Variants in KLHL30 observed in about 807,000 individuals in gnomAD.
The protein encoded by KLHL30 is kelch-like protein 30.
Under a neutral mutation model 55.0 loss-of-function variants are expected in KLHL30, and 55 were observed. The ratio of observed to expected loss-of-function variants is 1.00; its 90% confidence interval spans 0.80 to 1.25. The LOEUF is 1.25. KLHL30 is among the 50% of genes most tolerant of loss of function. The pLI, the probability that KLHL30 is intolerant of heterozygous loss-of-function variation, is 0.00. For synonymous variants in KLHL30, 356 were observed against 372.6 expected, an observed-to-expected ratio of 0.96 and a Z score of 0.51; for missense variants, 786 against 811.6, an observed-to-expected ratio of 0.97 and a Z score of 0.38.
At chr2:238,144,437 AGGCAGGCAGGC>A (rs1559276095) in intron 3 of KLHL30, among the ~76,000 whole-genome samples, 169 of 91,976 alleles carry the variant, frequency 1.8e-3, no homozygotes, top group South Asian at 3.6e-3. Context: ...GAAGGAAGGC[AGGCAGGCAGGC>A]AGGCAGGCAG....
At chr2:238,144,410 G>GGAAGGAAGGAAGGAAGGAAT (rs1692601384) in intron 3 of KLHL30, among the ~76,000 whole-genome samples, 2 of 127,406 alleles carry the variant, frequency 1.6e-5, no homozygotes, top group Non-Finnish European at 3.3e-5. Context: ...AAGGAAGGAA[G>GGAAGGAAGGAAGGAAGGAAT]GAAGGAAGGA....
rs374308085 is a variant in KLHL30, at chr2:238,140,972, G to A, written c.218G>A (p.Arg73His). Residue 73 changes from arginine (R) to histidine (H), a missense_variant, in exon 2 of 8, where the codon CGC becomes CAC. By Grantham distance (29) the Arg-to-His change is conservative. Coordinates refer to ENST00000409223, the MANE Select transcript of KLHL30 (RefSeq NM_198582.4). ...AGDFAESFSA[R>H]VELRDVEPAV... ...GACTTCGCCGAGAGCTTCTCTGCGC[G>A]CGTGGAGCTGCGGGACGTGGAGCCC... is the stretch of plus-strand genomic sequence containing the variant. 311 of 1,612,254 alleles carry A rather than the reference G, an allele frequency of 1.9e-4. No homozygotes were observed. The highest frequency in any genetic ancestry group is 2.4e-4 in the Non-Finnish European group (280 of 1,179,610).
rs746374007 is a variant in KLHL30 at position 238,140,925 on chromosome 2, C to A, written c.171C>A (p.Tyr57Ter). 22 of 1,611,118 alleles carry A rather than the reference C, an allele frequency of 1.4e-5. No individual in the cohort carries two copies. Among genetic ancestry groups the A allele is most frequent in the Non-Finnish European group, 1.9e-5 (22 of 1,178,714 alleles). The change falls in exon 2 of 8, where the codon TAC (tyrosine) becomes TAA (stop). Residue 57 changes from tyrosine to a stop codon, truncating the protein, a stop_gained. Transcript: ENST00000409223. LOFTEE classifies it high-confidence loss of function. ...GCCTCCTGGCGCTCAGCAGCCCCTA[C>A]TTCCATGCCATGTTTGCGGGTGACT... ...HRGLLALSSPYFHAMFAGDFA... is the reference protein window; with the variant it reads ...HRGLLALSSP
chr2:238,141,549 C>A, intron 2 of KLHL30, 21 bp downstream of exon 2: 5 of 1,433,336 alleles, frequency 3.5e-6, no homozygotes, highest in Non-Finnish European at 4.6e-6. Flanking sequence ...GGCTGGGAGG[C>A]CCCATCCCTG....
Position 238,147,005 on chromosome 2 carries a change from CAAA to C in KLHL30, c.1151-814_1151-812del, listed in dbSNP as rs11344818. On this transcript the variant is annotated intron_variant, in intron 5 of 7. Coordinates refer to ENST00000409223, the MANE Select transcript of KLHL30 (RefSeq NM_198582.4). The surrounding 1 kb of genome is among the most constrained non-coding windows in gnomAD (Gnocchi z 5.8). ...TAGGTGACAGGGTGAGACTCCATCT[CAAA>C]AAAAAAAAAAAAAAGGCAGGCATGG... Among the ~76,000 whole-genome samples, 15 of 110,198 alleles carry C rather than the reference CAAA, an allele frequency of 1.4e-4. No individual in the cohort carries two copies. Among genetic ancestry groups the C allele is most frequent in the Admixed American group, 2.7e-4 (3 of 11,264 alleles). The allele number at this position is 110,198 out of a possible 152,430, so 72.3% of individuals were successfully genotyped here.
intron 6 of KLHL30, among the ~76,000 whole-genome samples, chr2:238,148,526 C>T (rs1574760390): frequency 6.6e-6 from 1 of 152,228 alleles, no homozygotes; most frequent in East Asian, 1.9e-4. Flanking sequence ...CTGTTTCACC[C>T]TCTGGACAGT....
chr2:238,148,610 A>G (rs1692690511), intron 6 of KLHL30, among the ~76,000 whole-genome samples: 2 of 144,928 alleles, frequency 1.4e-5, no homozygotes, highest in African/African-American at 2.5e-5. Flanking sequence ...CCCAGAGTCC[A>G]GGCAAGGCCC....
chr2:238,144,400 A>AAGGG (rs1692598385), intron 3 of KLHL30, among the ~76,000 whole-genome samples: 1 of 110,896 alleles, frequency 9.0e-6, no homozygotes, highest in Non-Finnish European at 1.8e-5. Context: ...GGAAGGAAGG[A>AAGGG]AGGAAGGAAG....
At chr2:238,145,856 C>T (rs1692639207) in intron 5 of KLHL30, 24 bp downstream of exon 5, 1 of 1,571,464 alleles carries the variant, frequency 6.4e-7, no homozygotes, top group African/African-American at 1.4e-5. Context: ...CTCCACCCTT[C>T]CCTGGGGCCT....
At chr2:238,139,825 A>G (rs1211083160) in intron 1 of KLHL30, among the ~76,000 whole-genome samples, 1 of 152,222 alleles carries the variant, frequency 6.6e-6, no homozygotes, top group Non-Finnish European at 1.5e-5. Context: ...AGGCTTGTGC[A>G]CAGACTTGAT....
chr2:238,152,166 C>G lies in KLHL30; in HGVS notation c.*1101C>G. The G allele has an allele frequency of 1.0e-6, 1 of 985,536 alleles. No individual in the cohort carries two copies. The highest frequency in any genetic ancestry group is 1.2e-6 in the Non-Finnish European group (1 of 830,030). The allele number at this position is 985,536 out of a possible 1,614,324, so 61.0% of individuals were successfully genotyped here. Reference sequence around the variant, plus strand: ...AGGCCCTGGTGTTGCCCCAGAGGCCCTGGGCAGCTCCGGTCTCCCGCCGGA... The same window carrying G: ...AGGCCCTGGTGTTGCCCCAGAGGCCGTGGGCAGCTCCGGTCTCCCGCCGGA... On this transcript the variant is annotated 3_prime_UTR_variant, in exon 8 of 8. Transcript: ENST00000409223.
rs772056870 is a variant in KLHL30, at chr2:238,147,916, C to T, written c.1233C>T (p.Tyr411=). ...SWTPVSPALK[Y]VSNFSAAGCR... is the part of the protein sequence containing the mutation. ...CGCCCGTCAGCCCGGCCCTCAAATA[C>T]GTCAGCAACTTCTCGGCTGCCGGCT... Residue 411 remains tyrosine, a synonymous_variant, in exon 6 of 8, where the codon TAC becomes TAT. Transcript: ENST00000409223. The surrounding 1 kb of genome is among the most constrained non-coding windows in gnomAD (Gnocchi z 5.8). 3.7e-6 allele frequency: 6 copies of T among 1,604,400 alleles called. No individual in the cohort carries two copies. Among genetic ancestry groups the T allele is most frequent in the South Asian group, 2.2e-5 (2 of 89,538 alleles).
chr2:238,144,406 G>GGAAGGAAGGAAGGAAGGAAT (rs1559275878), intron 3 of KLHL30, among the ~76,000 whole-genome samples: 18 of 122,510 alleles, frequency 1.5e-4, no homozygotes, highest in South Asian at 4.9e-4. Context: ...AAGGAAGGAA[G>GGAAGGAAGGAAGGAAGGAAT]GAAGGAAGGA....
intron 5 of KLHL30, among the ~76,000 whole-genome samples, chr2:238,146,903 G>A (rs1047837200): frequency 7.9e-5 from 12 of 151,170 alleles, no homozygotes; most frequent in Middle Eastern, 3.4e-3. Flanking sequence ...CTACTTGGGA[G>A]GCCAAGGCAG....
At position 238,151,188 on chromosome 2, in the gene KLHL30, G is replaced by A; in HGVS notation, c.*123G>A. On this transcript the variant is annotated 3_prime_UTR_variant, in exon 8 of 8. Coordinates refer to ENST00000409223, the MANE Select transcript of KLHL30 (RefSeq NM_198582.4). ...TACCATTCCTTCCAAGCTGCGCTCA[G>A]GCCACCAGGGGTGATCAGACGGCAT... 1.5e-6 allele frequency: 2 copies of A among 1,322,884 alleles called. No homozygotes were observed. The allele number at this position is 1,322,884 out of a possible 1,614,324, so 81.9% of individuals were successfully genotyped here.
intron 3 of KLHL30, among the ~76,000 whole-genome samples, chr2:238,144,369 CGG>C (rs1692592975): frequency 1.3e-5 from 1 of 78,874 alleles, no homozygotes; most frequent in Non-Finnish European, 2.7e-5. Context: ...GGAGGGTGCT[CGG>C]AAGGAAGGAA....
At chr2:238,140,052 A>C (rs1169833353) in intron 1 of KLHL30, among the ~76,000 whole-genome samples, 1 of 152,212 alleles carries the variant, frequency 6.6e-6, no homozygotes, top group Non-Finnish European at 1.5e-5. Flanking sequence ...CCCCAAGCCT[A>C]GCTCTGAGTT....
In KLHL30 at chr2:238,150,849, GCT is replaced by G; in HGVS notation, c.1522_1523del (p.Leu508GlyfsTer5). Reference protein sequence around the residue: ...SQHSLHENGALVPLGDALYVT... With the variant: ...SQHSLHENGAXVPLGDALYVT... Reference sequence around the variant, plus strand: ...AGCACAGCCTGCATGAGAATGGCGCGCTGGTGCCACTGGGTGATGCGCTGTAC... The same window carrying G: ...AGCACAGCCTGCATGAGAATGGCGCGGGTGCCACTGGGTGATGCGCTGTAC... On this transcript the variant is annotated frameshift_variant, in exon 8 of 8. Transcript: ENST00000409223. LOFTEE classifies it high-confidence loss of function. The G allele has an allele frequency of 6.3e-7, 1 of 1,592,584 alleles. No individual in the cohort carries two copies. Among genetic ancestry groups the G allele is most frequent in the Non-Finnish European group, 8.5e-7 (1 of 1,171,086 alleles).
intron 4 of KLHL30, 94 bp downstream of exon 4, chr2:238,145,082 A>G: frequency 9.8e-7 from 1 of 1,023,790 alleles, no homozygotes; most frequent in East Asian, 2.6e-5. Context: ...CCTGAGGGTT[A>G]GTCAAGGCTT....
Sources: allele counts gnomAD v4.1 joint callset (sites outside exome capture counted in the v4.1 genomes callset), GRCh38; gene constraint gnomAD v4.1.1; non-coding constraint Gnocchi (gnomAD v3.1); transcripts MANE v1.5; gene names NCBI Gene and HGNC (gene_info 2026-07-23, HGNC 2026-07-21).